The following DLC1 variants were observed in gnomAD, a reference collection of about 807,000 sequenced individuals.
DLC1 encodes DLC1 Rho GTPase activating protein.
A neutral mutation model predicts 140.3 loss-of-function variants in DLC1; 54 were observed. The observed-to-expected ratio is 0.38, with a 90% CI of 0.31 to 0.48. DLC1 has a LOEUF of 0.48. Ranked by LOEUF, DLC1 falls within the 20% of genes least tolerant of loss-of-function variation. The pLI is 0.96. For synonymous variants in DLC1, 986 were observed against 728.1 expected (o/e 1.35, Z -5.70); for missense variants, 2,536 against 1,907.0 (o/e 1.33, Z -6.14).
chr8:13,197,141 G>C (rs1469994900), intron 5 of DLC1, among the ~76,000 whole-genome samples: 1 of 152,122 alleles, frequency 6.6e-6, no homozygotes, highest in Non-Finnish European at 1.5e-5. Context: ...AGGATGTCTA[G>C]TGGGTAAAGG....
At chr8:13,594,035 C>A (rs1035830654) in intron 1 of DLC1, among the ~76,000 whole-genome samples, 2 of 152,028 alleles carry the variant, frequency 1.3e-5, no homozygotes, top group East Asian at 1.9e-4. Flanking sequence ...TGGTTCATGC[C>A]TGTGGTCCTA....
At position 13,327,226 on chromosome 8, in the gene DLC1, G is replaced by A. The variant is rs560624623; in HGVS notation, c.1315-21924C>T. ...CTGACCTCATGATCCGCCCGCCTTG[G>A]CCTCCCAAAGTGCTGGGATTACAGG... On this transcript the variant is annotated intron_variant, in intron 4 of 17. Transcript: ENST00000276297. Among the ~76,000 whole-genome samples the A allele has an allele frequency of 4.1e-5, 6 of 147,248 alleles. No individual in the cohort carries two copies. In the South Asian group the frequency reaches 1.3e-3, roughly 32 times the overall value.
intron 5 of DLC1, among the ~76,000 whole-genome samples, chr8:13,281,666 C>G (rs1424071361): frequency 2.0e-5 from 3 of 152,144 alleles, no homozygotes; most frequent in African/African-American, 7.2e-5. Context: ...ATACCAAAAT[C>G]ACACTATCTT....
rs1291645738 is a variant in DLC1 at position 13,085,498 on chromosome 8, G to A, written c.*313C>T. On this transcript the variant is annotated 3_prime_UTR_variant, in exon 18 of 18. Coordinates refer to ENST00000276297, the MANE Select transcript of DLC1 (RefSeq NM_182643.3). ...GCATACACTGATATCACAAGAGAATGAAGTATCTTCATTATCTTCCATAAT... is the reference window on the plus strand; with the variant it reads ...GCATACACTGATATCACAAGAGAATAAAGTATCTTCATTATCTTCCATAAT... 1 of 226,452 alleles carries A rather than the reference G, an allele frequency of 4.4e-6. No homozygotes were observed. The highest frequency in any genetic ancestry group is 8.8e-6 in the Non-Finnish European group (1 of 114,000). The allele number at this position is 226,452 out of a possible 1,614,324, so 14.0% of individuals were successfully genotyped here.
At chr8:13,312,234 G>C (rs1232055677) in intron 4 of DLC1, among the ~76,000 whole-genome samples, 1 of 137,414 alleles carries the variant, frequency 7.3e-6, no homozygotes, top group Non-Finnish European at 1.6e-5. Context: ...GGTAGCGGGC[G>C]CCTGTAGTCC....
chr8:13,425,483 A>G (rs72603960), intron 2 of DLC1, among the ~76,000 whole-genome samples: 11,112 of 152,262 alleles, frequency 0.073, 553 homozygotes, highest in East Asian at 0.14. Flanking sequence ...CAAGACTAAT[A>G]TATGGTGATA....
At chr8:13,219,456 A>G (rs1455448279) in intron 5 of DLC1, among the ~76,000 whole-genome samples, 1 of 70,418 alleles carries the variant, frequency 1.4e-5, no homozygotes, top group Non-Finnish European at 2.9e-5. Flanking sequence ...ATATATAAAC[A>G]GGAATAGAAT....
chr8:13,512,458 C>T (rs1024058340), intron 1 of DLC1, among the ~76,000 whole-genome samples: 1 of 152,138 alleles, frequency 6.6e-6, no homozygotes, highest in Admixed American at 6.6e-5. Flanking sequence ...TGTAAAAATT[C>T]TGCATTCTAC....
chr8:13,359,350 G>A (rs926530455), intron 4 of DLC1, among the ~76,000 whole-genome samples: 5 of 152,130 alleles, frequency 3.3e-5, no homozygotes, highest in African/African-American at 1.2e-4. Context: ...GGCTTTGTTG[G>A]GTAATGTTAC....
intron 5 of DLC1, among the ~76,000 whole-genome samples, chr8:13,136,504 G>T (rs1822567676): frequency 6.6e-6 from 1 of 152,174 alleles, no homozygotes; most frequent in Admixed American, 6.5e-5. Flanking sequence ...TTGCTGCAAA[G>T]GACATCATTT....
Position 13,122,777 on chromosome 8 carries a change from T to C in DLC1, c.1349-7120A>G, listed in dbSNP as rs377318640. ...CCTGCCCTCAGGTGCCTAAAAAAAT[T>C]CCAAACATCTGCTATGCATAGTCTG... is the stretch of plus-strand genomic sequence containing the variant. On this transcript the variant is annotated intron_variant, in intron 5 of 17. Transcript: ENST00000276297. Among the ~76,000 whole-genome samples, 161 of 141,358 alleles carry C rather than the reference T, an allele frequency of 1.1e-3. 1 individual carries two copies. The South Asian group carries it at 0.015, about 13-fold the overall frequency. The allele number at this position is 141,358 out of a possible 152,430, so 92.7% of individuals were successfully genotyped here.
chr8:13,580,491 G>A (rs558144260), intron 1 of DLC1, among the ~76,000 whole-genome samples: 257 of 152,250 alleles, frequency 1.7e-3, no homozygotes, highest in African/African-American at 5.9e-3. Flanking sequence ...CCAGAAGGGG[G>A]CACAGACAGT....
intron 6 of DLC1, among the ~76,000 whole-genome samples, chr8:13,111,869 C>T (rs1336031125): frequency 6.6e-6 from 1 of 152,112 alleles, no homozygotes; most frequent in Non-Finnish European, 1.5e-5. Flanking sequence ...TTTGGCTGGG[C>T]ACTGTGGCTC....
At chr8:13,172,881 T>C (rs1825561293) in intron 5 of DLC1, among the ~76,000 whole-genome samples, 1 of 152,232 alleles carries the variant, frequency 6.6e-6, no homozygotes, top group African/African-American at 2.4e-5. Flanking sequence ...TTTTCTGCCA[T>C]TAATTTCTGC....
chr8:13,186,910 C>T (rs1415297841), intron 5 of DLC1, among the ~76,000 whole-genome samples: 1 of 152,196 alleles, frequency 6.6e-6, no homozygotes, highest in East Asian at 1.9e-4. Flanking sequence ...AGTCAGGTCC[C>T]TCAGCTGCAG....
chr8:13,136,159 G>C (rs551022939), intron 5 of DLC1, among the ~76,000 whole-genome samples: 23 of 152,236 alleles, frequency 1.5e-4, no homozygotes, highest in African/African-American at 2.2e-4. Flanking sequence ...CCACTTACTA[G>C]GTTTATGATT....
At position 13,570,246 on chromosome 8, in the gene DLC1, T is replaced by C. The variant is rs539764838; in HGVS notation, c.-126+34291A>G. 3.3e-3 allele frequency among the ~76,000 whole-genome samples: 506 copies of C among 152,270 alleles called. 3 individuals carry two copies. Among genetic ancestry groups the C allele is most frequent in the African/African-American group, 0.011 (470 of 41,558 alleles). ...TCTACATTACTTCCCTGAGCTCTTTTGTGTCACTATGGTTTCTATGTGCAC... is the reference window on the plus strand; with the variant it reads ...TCTACATTACTTCCCTGAGCTCTTTCGTGTCACTATGGTTTCTATGTGCAC... On this transcript the variant is annotated intron_variant, in intron 1 of 1. Transcript: ENST00000631382.
At chr8:13,088,769 T>C in intron 15 of DLC1, 65 bp from the exon 16 acceptor site, 1 of 1,463,264 alleles carries the variant, frequency 6.8e-7, no homozygotes, top group Non-Finnish European at 9.4e-7. Flanking sequence ...TGAAGTCGAA[T>C]TGTTAGTTAG....
At chr8:13,112,597 T>C (rs925678907) in intron 6 of DLC1, among the ~76,000 whole-genome samples, 8 of 152,202 alleles carry the variant, frequency 5.3e-5, no homozygotes, top group South Asian at 2.1e-4. Flanking sequence ...GGAACCATTA[T>C]AATGGAAATA....
Sources: gnomAD v4.1 joint callset for allele counts (sites outside exome capture counted in the v4.1 genomes callset) on GRCh38, gnomAD v4.1.1 for gene constraint, MANE v1.5 for transcripts, NCBI Gene and HGNC (gene_info 2026-07-23, HGNC 2026-07-21) for gene names.